The following USP6NL variants were observed in gnomAD, a reference collection of about 807,000 sequenced individuals.
The protein encoded by USP6NL is USP6 N-terminal like.
USP6NL carries 26 observed loss-of-function variants against 61.9 expected under a neutral mutation model. The observed-to-expected ratio is 0.42, with a 90% CI of 0.31 to 0.58. The LOEUF is 0.58. Ranked by LOEUF, USP6NL falls within the 20% of genes least tolerant of loss-of-function variation. The probability of loss-of-function intolerance (pLI) is 0.16; values close to 1 mark genes in which losing one functional copy is unlikely to be tolerated. For synonymous variants in USP6NL, 432 were observed against 390.1 expected (o/e 1.11, Z -1.27); for missense variants, 1,114 against 1,034.3 (o/e 1.08, Z -1.06).
At chr10:11,610,572 T>A (rs745976741) in intron 1 of USP6NL, among the ~76,000 whole-genome samples, 2 of 152,174 alleles carry the variant, frequency 1.3e-5, no homozygotes, top group African/African-American at 2.4e-5. Context: ...AATACAGGAT[T>A]GAAACCATTT....
At position 11,562,228 on chromosome 10, in the gene USP6NL, C is replaced by T. The variant is rs1203396762; in HGVS notation, c.5-34661G>A. 2.7e-5 allele frequency among the ~76,000 whole-genome samples: 4 copies of T among 150,390 alleles called. No homozygotes were observed. Among genetic ancestry groups the T allele is most frequent in the Admixed American group, 1.3e-4 (2 of 15,064 alleles). The stretch of plus-strand genomic sequence containing the variant: ...AGTGAGCCGAGATCGCACCACTGCA[C>T]GCCAGCCTGGCGGACAGTGCAAGAC... On this transcript the variant is annotated intron_variant, in intron 2 of 14. Transcript: ENST00000609104. This position sits in a 1 kb window ranked among gnomAD's most constrained non-coding sequence, Gnocchi z 4.8.
Position 11,598,876 on chromosome 10 carries a change from C to A in USP6NL, c.-83-1159G>T, listed in dbSNP as rs923756. On this transcript the variant is annotated intron_variant, in intron 1 of 14. Coordinates refer to ENST00000609104, the MANE Select transcript of USP6NL (RefSeq NM_014688.5). The surrounding 1 kb of genome is among the most constrained non-coding windows in gnomAD (Gnocchi z 4.7). ...ACAGACTGCATCAGCACTTACGTGCCCAGCATGGCCCGCACACTGTAATTA... is the reference window on the plus strand; with the variant it reads ...ACAGACTGCATCAGCACTTACGTGCACAGCATGGCCCGCACACTGTAATTA... Among the ~76,000 whole-genome samples the A allele has an allele frequency of 4.6e-5, 7 of 152,226 alleles. No individual in the cohort carries two copies. The highest frequency in any genetic ancestry group is 1.4e-4 in the African/African-American group (6 of 41,432).
intron 2 of USP6NL, among the ~76,000 whole-genome samples, chr10:11,534,652 TGAC>T (rs1835769996): frequency 6.6e-6 from 1 of 152,176 alleles, no homozygotes; most frequent in Non-Finnish European, 1.5e-5. Context: ...CAGTCTGACA[TGAC>T]GTAAAATACA....
Position 11,462,649 on chromosome 10 carries a change from T to A in USP6NL, c.2279A>T (p.Asn760Ile). The change falls in exon 15 of 15, where the codon AAT becomes ATT. Residue 760 changes from asparagine to isoleucine, a missense_variant. Coordinates refer to ENST00000609104, the MANE Select transcript of USP6NL (RefSeq NM_014688.5). ...TTGAAAGGCTGAGTATTTTGGTAAATTGCCACGGCTAGCATCTCGGGTCCA... is the reference window on the plus strand; with the variant it reads ...TTGAAAGGCTGAGTATTTTGGTAAAATGCCACGGCTAGCATCTCGGGTCCA... ...QSWTRDASRGNLPKYSAFQLA... is the reference protein window; with the variant it reads ...QSWTRDASRGILPKYSAFQLA... 1 of 1,614,010 alleles carries A rather than the reference T, an allele frequency of 6.2e-7. No individual in the cohort carries two copies. The highest frequency in any genetic ancestry group is 2.2e-5 in the East Asian group (1 of 44,882).
intron 6 of USP6NL, among the ~76,000 whole-genome samples, chr10:11,508,452 T>A (rs1834552123): frequency 6.6e-6 from 1 of 152,186 alleles, no homozygotes. Flanking sequence ...TTTGCACCGA[T>A]CATAAAAAAG....
At position 11,509,688 on chromosome 10, in the gene USP6NL, T is replaced by A; in HGVS notation, c.196-13A>T. ...CCAGGTGCTTTTGCTAAAATAAAAT[T>A]GAAATTCATTGTTATTGTTGTTCGT... On this transcript the variant is annotated splice_polypyrimidine_tract_variant and intron_variant, in intron 5 of 14. Coordinates refer to ENST00000609104, the MANE Select transcript of USP6NL (RefSeq NM_014688.5). 6.5e-7 allele frequency: 1 copy of A among 1,540,904 alleles called. No homozygotes were observed. Among genetic ancestry groups the A allele is most frequent in the Non-Finnish European group, 8.8e-7 (1 of 1,138,544 alleles).
intron 2 of USP6NL, among the ~76,000 whole-genome samples, chr10:11,579,971 G>T (rs915468113): frequency 5.5e-5 from 8 of 144,942 alleles, no homozygotes; most frequent in Non-Finnish European, 1.1e-4. Flanking sequence ...GGCGGGGGGG[G>T]GGCAGCAACG....
At position 11,490,520 on chromosome 10, in the gene USP6NL, C is replaced by A. The variant is rs1354198160; in HGVS notation, c.543+312G>T. Among the ~76,000 whole-genome samples the A allele has an allele frequency of 2.0e-5, 3 of 152,146 alleles. No individual in the cohort carries two copies. The highest frequency in any genetic ancestry group is 4.4e-5 in the Non-Finnish European group (3 of 68,026). ...AGCCACCCACTTCCTGTCCTTCTAC[C>A]CTGTATATCTGCTTAAAAATAAAAA... is the stretch of plus-strand genomic sequence containing the variant. On this transcript the variant is annotated intron_variant, in intron 9 of 14. Transcript: ENST00000609104. The surrounding 1 kb of genome is among the most constrained non-coding windows in gnomAD (Gnocchi z 4.5).
At chr10:11,493,320 T>C (rs934621543) in intron 7 of USP6NL, 92 bp from the exon 8 acceptor site, 3 of 1,171,940 alleles carry the variant, frequency 2.6e-6, no homozygotes, top group African/African-American at 3.1e-5. Context: ...AAAAAGTTTT[T>C]GGTTTAAAAA....
Position 11,463,165 on chromosome 10 carries a change from T to TTTC in USP6NL, c.1760_1762dup (p.Arg587dup), listed in dbSNP as rs2096224002. On this transcript the variant is annotated inframe_insertion, in exon 15 of 15. Transcript: ENST00000609104. The surrounding 1 kb of genome is among the most constrained non-coding windows in gnomAD (Gnocchi z 6.3). ...TGGACTAGAACTTGGCTCAGCGTGC[T>TTTC]TTCTCGGGCTAGGAGGGTAAAGGGC... 8 of 1,613,906 alleles carry TTTC rather than the reference T, an allele frequency of 5.0e-6. No individual in the cohort carries two copies. The highest frequency in any genetic ancestry group is 6.8e-6 in the Non-Finnish European group (8 of 1,179,884).
intron 6 of USP6NL, among the ~76,000 whole-genome samples, chr10:11,508,590 A>G (rs1306379358): frequency 6.6e-6 from 1 of 152,238 alleles, no homozygotes; most frequent in Non-Finnish European, 1.5e-5. Context: ...TGTTTTAAAA[A>G]GTCAGTTTAA....
Position 11,472,435 on chromosome 10 carries a change from C to T in USP6NL, c.1079-8586G>A, listed in dbSNP as rs114549747. ...CAAGAGGCGCATCATTGCAGCAAAG[C>T]GCTCTAAGTGCTCGCTCTGTGAGCA... is the stretch of plus-strand genomic sequence containing the variant. On this transcript the variant is annotated intron_variant, in intron 14 of 14. Coordinates refer to ENST00000609104, the MANE Select transcript of USP6NL (RefSeq NM_014688.5). 2.5e-3 allele frequency among the ~76,000 whole-genome samples: 375 copies of T among 152,328 alleles called. 2 individuals are homozygous for T. Among genetic ancestry groups the T allele is most frequent in the African/African-American group, 8.4e-3 (350 of 41,570 alleles).
intron 6 of USP6NL, among the ~76,000 whole-genome samples, 176 bp from the exon 7 acceptor site, chr10:11,501,384 A>G (rs1834184503): frequency 6.6e-6 from 1 of 152,242 alleles, no homozygotes; most frequent in Admixed American, 6.5e-5. Context: ...TAAGATTCTA[A>G]CAGGGAGATA....
intron 2 of USP6NL, among the ~76,000 whole-genome samples, chr10:11,541,230 CATATATATATATATATATATAT>C (rs71378797): frequency 0.012 from 532 of 43,234 alleles, 27 homozygotes; most frequent in African/African-American, 0.032. Flanking sequence ...TCAATAGTGC[CATATATATATATATATATATAT>C]ATATATATAT....
intron 2 of USP6NL, among the ~76,000 whole-genome samples, chr10:11,566,527 G>C (rs1411310057): frequency 6.6e-6 from 1 of 152,142 alleles, no homozygotes; most frequent in Non-Finnish European, 1.5e-5. Context: ...TGAGGAAACT[G>C]AAGCACAGAG....
At position 11,562,511 on chromosome 10, in the gene USP6NL, G is replaced by A. The variant is rs557504106; in HGVS notation, c.5-34944C>T. ...CTGAGGAGAAACGTGAAAAGAGCCG[G>A]GTCACTCAAGACATTGCTTGGCCAC... On this transcript the variant is annotated intron_variant, in intron 2 of 14. Coordinates refer to ENST00000609104, the MANE Select transcript of USP6NL (RefSeq NM_014688.5). This position sits in a 1 kb window ranked among gnomAD's most constrained non-coding sequence, Gnocchi z 4.8. The A allele has an allele frequency of 1.0e-6, 1 of 985,346 alleles. No homozygotes were observed. Among genetic ancestry groups the A allele is most frequent in the Non-Finnish European group, 1.2e-6 (1 of 829,912 alleles). 61.0% of individuals were successfully genotyped at this position (985,346 alleles called of 1,614,324 possible).
Position 11,490,850 on chromosome 10 carries a change from G to C in USP6NL, c.525C>G (p.Ala175=). 1 of 1,552,106 alleles carries C rather than the reference G, an allele frequency of 6.4e-7. No homozygotes were observed. The highest frequency in any genetic ancestry group is 2.4e-5 in the East Asian group (1 of 41,288). ...KQQSLFHVLA[A]YSIYNTEVGY... The stretch of plus-strand genomic sequence containing the variant: ...AACTTACCGTGTTATAAATAGAATA[G>C]GCAGCAAGCACATGGAATAAGGATT... Residue 175 remains alanine (A), a synonymous_variant, in exon 9 of 15, where the codon GCC becomes GCG. Transcript: ENST00000609104. The surrounding 1 kb of genome is among the most constrained non-coding windows in gnomAD (Gnocchi z 4.5).
At chr10:11,584,066 T>G (rs1837885071) in intron 2 of USP6NL, among the ~76,000 whole-genome samples, 1 of 151,734 alleles carries the variant, frequency 6.6e-6, no homozygotes, top group South Asian at 2.1e-4. Flanking sequence ...TAACACAAAA[T>G]TAGCTGGGTG....
chr10:11,501,592 C>A (rs1020611268), intron 6 of USP6NL, among the ~76,000 whole-genome samples: 3 of 152,156 alleles, frequency 2.0e-5, no homozygotes, highest in Admixed American at 1.3e-4. Flanking sequence ...ATCCCACACA[C>A]CTAAAAGATG....
Sources: gnomAD v4.1 joint callset for allele counts (sites outside exome capture counted in the v4.1 genomes callset) on GRCh38, gnomAD v4.1.1 for gene constraint, Gnocchi (gnomAD v3.1) non-coding constraint, MANE v1.5 for transcripts, NCBI Gene and HGNC (gene_info 2026-07-23, HGNC 2026-07-21) for gene names.